The following GALNT13 variants were observed in gnomAD, a reference collection of about 807,000 sequenced individuals.
The protein encoded by GALNT13 is polypeptide N-acetylgalactosaminyltransferase 13, also known as UDP-GalNAc:polypeptide N-acetylgalactosaminyltransferase 13.
GALNT13 carries 28 observed loss-of-function variants against 64.2 expected under a neutral mutation model. The ratio of observed to expected loss-of-function variants is 0.44; its 90% CI spans 0.32 to 0.60. The LOEUF (loss-of-function observed/expected upper bound fraction) is 0.60, where lower values mean the gene tolerates loss of function less well. Ranked by LOEUF, GALNT13 falls within the 20% of genes least tolerant of loss-of-function variation. The pLI is 0.05. For missense variants in GALNT13, 577 were observed against 669.8 expected (o/e 0.86, Z 1.53); for synonymous variants, 214 against 224.6 (o/e 0.95, Z 0.42).
intron 4 of GALNT13, among the ~76,000 whole-genome samples, chr2:154,236,955 CTTTA>C (rs1185403718): frequency 1.3e-5 from 2 of 151,806 alleles, no homozygotes; most frequent in Admixed American, 6.6e-5. Flanking sequence ...TTTTAATATG[CTTTA>C]TTTGTTTCTA....
At chr2:153,675,150 T>G in the GALNT13 span, among the ~76,000 whole-genome samples, 1 of 152,136 alleles carries the variant, frequency 6.6e-6, no homozygotes, top group Admixed American at 6.6e-5. Flanking sequence ...ATTCCTCAAG[T>G]ATCTAGAACT....
At chr2:154,443,096 C>A (rs999222239) in intron 12 of GALNT13, among the ~76,000 whole-genome samples, 2 of 152,004 alleles carry the variant, frequency 1.3e-5, no homozygotes, top group African/African-American at 4.8e-5. Flanking sequence ...AAGTGCATCC[C>A]AGCCATTCCC....
At chr2:153,150,816 T>A in the GALNT13 span, among the ~76,000 whole-genome samples, 2 of 152,126 alleles carry the variant, frequency 1.3e-5, no homozygotes, top group African/African-American at 4.8e-5. Flanking sequence ...GGCTCTGTTC[T>A]GTTCCATTGG....
At chr2:153,689,670 T>C in the GALNT13 span, among the ~76,000 whole-genome samples, 1 of 152,094 alleles carries the variant, frequency 6.6e-6, no homozygotes, top group Non-Finnish European at 1.5e-5. Context: ...ATTCTTCCTT[T>C]ATATAATTCC....
the GALNT13 span, among the ~76,000 whole-genome samples, chr2:153,390,863 G>A: frequency 6.6e-6 from 1 of 151,964 alleles, no homozygotes; most frequent in African/African-American, 2.4e-5. Flanking sequence ...GGTTGAAGAT[G>A]GGGGGAAGAT....
the GALNT13 span, among the ~76,000 whole-genome samples, chr2:153,762,914 T>C: frequency 6.6e-6 from 1 of 151,816 alleles, no homozygotes; most frequent in Non-Finnish European, 1.5e-5. Flanking sequence ...GTACAGATAT[T>C]TGCCTTTTTG....
intron 2 of GALNT13, among the ~76,000 whole-genome samples, chr2:153,930,487 A>T (rs557152513): frequency 3.3e-5 from 5 of 152,166 alleles, no homozygotes; most frequent in African/African-American, 1.2e-4. Context: ...TCTATAGTCC[A>T]TCTTGAGTTG....
the GALNT13 span, among the ~76,000 whole-genome samples, chr2:153,793,666 A>C: frequency 1.1e-3 from 161 of 152,180 alleles, no homozygotes; most frequent in Admixed American, 2.6e-3. Context: ...AAAAAAAAAA[A>C]AAACTAGAAA....
the GALNT13 span, among the ~76,000 whole-genome samples, chr2:153,634,542 CTTTTTTTT>C: frequency 9.9e-5 from 9 of 91,240 alleles, no homozygotes; most frequent in East Asian, 3.4e-4. Context: ...AGATGGAAAT[CTTTTTTTT>C]TTTTTTTTTT....
At chr2:153,481,946 A>C in the GALNT13 span, among the ~76,000 whole-genome samples, 1 of 152,244 alleles carries the variant, frequency 6.6e-6, no homozygotes, top group East Asian at 1.9e-4. Context: ...ATTACATTAT[A>C]TTACACAATG....
At chr2:153,861,930 T>G in the GALNT13 span, among the ~76,000 whole-genome samples, 1 of 152,164 alleles carries the variant, frequency 6.6e-6, no homozygotes, top group Non-Finnish European at 1.5e-5. Context: ...TTATATCAAT[T>G]TTTAAAATCT....
chr2:153,856,616 A>T, the GALNT13 span, among the ~76,000 whole-genome samples: 9 of 152,174 alleles, frequency 5.9e-5, no homozygotes, highest in South Asian at 2.1e-4. Flanking sequence ...TGAAAAGACA[A>T]AATTTCTTGT....
rs181041133 is a variant in GALNT13 at position 154,016,659 on chromosome 2, G to A, written c.142+72020G>A. The stretch of plus-strand genomic sequence containing the variant: ...TCTTGAACTCCTGACCTCATGATCC[G>A]CCTGCCTCAGCCTCCAAAAATGCTG... On this transcript the variant is annotated intron_variant, in intron 3 of 12. Transcript: ENST00000392825. Among the ~76,000 whole-genome samples, 71 of 152,038 alleles carry A rather than the reference G, an allele frequency of 4.7e-4. 1 individual carries two copies. The highest frequency in any genetic ancestry group is 1.8e-3 in the Admixed American group (27 of 15,258).
In GALNT13 at chr2:154,297,884, A is replaced by G. The variant is rs1004620218; in HGVS notation, c.976-3525A>G. On this transcript the variant is annotated intron_variant, in intron 8 of 12. Transcript: ENST00000392825. ...ACCATATACTATCAATTGGAAAAAA[A>G]AAATAGAAAAAAATAAGACCTGGCT... Among the ~76,000 whole-genome samples the G allele has an allele frequency of 6.6e-5, 10 of 152,216 alleles. No individual in the cohort carries two copies. In the East Asian group the frequency reaches 9.7e-4, roughly 15 times the overall value.
the GALNT13 span, among the ~76,000 whole-genome samples, chr2:153,662,363 C>T: frequency 3.3e-5 from 5 of 152,162 alleles, no homozygotes; most frequent in Non-Finnish European, 7.3e-5. Context: ...CCCACATAAA[C>T]TTATACAAAG....
At chr2:153,944,171 A>G in intron 2 of GALNT13, among the ~76,000 whole-genome samples, 1 of 152,184 alleles carries the variant, frequency 6.6e-6, no homozygotes, top group Non-Finnish European at 1.5e-5. Context: ...TAGTTTGTCA[A>G]GGGCCTGGCA....
intron 3 of GALNT13, among the ~76,000 whole-genome samples, chr2:154,108,786 C>A (rs1171095017): frequency 6.6e-6 from 1 of 151,942 alleles, no homozygotes; most frequent in Non-Finnish European, 1.5e-5. Flanking sequence ...AGGTAAGGAT[C>A]CAATTTCATT....
At chr2:154,181,290 A>G (rs1450253357) in intron 4 of GALNT13, among the ~76,000 whole-genome samples, 1 of 152,166 alleles carries the variant, frequency 6.6e-6, no homozygotes, top group Non-Finnish European at 1.5e-5. Flanking sequence ...TTTAGAAGGA[A>G]ATTAACAAAA....
At chr2:153,663,613 C>T in the GALNT13 span, among the ~76,000 whole-genome samples, 1 of 152,024 alleles carries the variant, frequency 6.6e-6, no homozygotes, top group African/African-American at 2.4e-5. Context: ...AAAGAATATC[C>T]CCACTCCCAA....
Sources: gnomAD v4.1 joint callset for allele counts (sites outside exome capture counted in the v4.1 genomes callset) on GRCh38, gnomAD v4.1.1 for gene constraint, MANE v1.5 for transcripts, NCBI Gene and HGNC (gene_info 2026-07-23, HGNC 2026-07-21) for gene names.